Variants in ZNF786 observed in about 807,000 individuals in gnomAD.
ZNF786 encodes the protein zinc finger protein 786.
In ZNF786, 56 loss-of-function variants were observed where a neutral mutation model predicts 63.1. That is an observed-to-expected ratio of 0.89 (90% CI 0.72 to 1.11). ZNF786 has a LOEUF of 1.11. ZNF786 is among the 50% of genes least tolerant of loss of function. The pLI is 0.00. For missense variants in ZNF786, 1,213 were observed against 1,041.8 expected (o/e 1.16, Z -2.26); for synonymous variants, 485 against 406.9 (o/e 1.19, Z -2.31).
Position 149,071,655 on chromosome 7 carries a change from C to A in ZNF786, c.1117G>T (p.Glu373Ter). Residue 373 changes from glutamate to a stop codon, truncating the protein, a stop_gained, in exon 4 of 4, where the codon GAG (glutamate) becomes TAG (stop). Coordinates refer to ENST00000491431, the MANE Select transcript of ZNF786 (RefSeq NM_152411.4). LOFTEE classifies it high-confidence loss of function. ...HGAEGPCSCS[E>*]CGERSPMSAR... is the part of the protein sequence containing the mutation. ...CTCATAGGGGAGCGCTCGCCACACTCCGAGCAGGAGCAGGGCCCCTCTGCG... is the reference window on the plus strand; with the variant it reads ...CTCATAGGGGAGCGCTCGCCACACTACGAGCAGGAGCAGGGCCCCTCTGCG... 3.2e-6 allele frequency: 5 copies of A among 1,570,296 alleles called. No homozygotes were observed. The highest frequency in any genetic ancestry group is 4.7e-5 in the East Asian group (2 of 42,812).
In ZNF786 at chr7:149,071,976, C is replaced by A. The variant is rs201404118; in HGVS notation, c.796G>T (p.Gly266Cys). 3.5e-5 allele frequency: 57 copies of A among 1,612,536 alleles called. No individual in the cohort carries two copies. The African/African-American group carries it at 5.5e-4, about 15-fold the overall frequency. ...TCACCGTCAGCGTTCCGGAAGGGGC[C>A]CCTCCCCGTGTGGGCCGCCAGATGG... ...LRHLAAHTGR[G>C]PFRNADGEMC... is the part of the protein sequence containing the mutation. The change falls in exon 4 of 4, where the codon GGC becomes TGC. Residue 266 changes from glycine (G) to cysteine (C), a missense_variant. Transcript: ENST00000491431.
chr7:149,086,657 C>CAA (rs1554453734), intron 1 of ZNF786, among the ~76,000 whole-genome samples: 3 of 151,110 alleles, frequency 2.0e-5, no homozygotes, highest in Non-Finnish European at 4.4e-5. Flanking sequence ...CACATACACA[C>CAA]AAAAGGTGAG....
chr7:149,084,730 A>G (rs976766089), intron 1 of ZNF786, among the ~76,000 whole-genome samples: 2 of 152,154 alleles, frequency 1.3e-5, no homozygotes, highest in African/African-American at 4.8e-5. Flanking sequence ...CAAATATCCC[A>G]TTCTGTAGGG....
At chr7:149,075,977 T>A (rs1038943848) in intron 2 of ZNF786, among the ~76,000 whole-genome samples, 2 of 151,980 alleles carry the variant, frequency 1.3e-5, no homozygotes, top group African/African-American at 4.8e-5. Flanking sequence ...TCAGGTTTTT[T>A]GAAGATATGA....
At chr7:149,084,222 C>T (rs571686361) in intron 1 of ZNF786, among the ~76,000 whole-genome samples, 2 of 151,838 alleles carry the variant, frequency 1.3e-5, no homozygotes, top group East Asian at 1.9e-4. Context: ...ATTAGCTGGG[C>T]GTGGTGGCAC....
chr7:149,073,939 T>C (rs1825494394), intron 3 of ZNF786, among the ~76,000 whole-genome samples: 1 of 150,884 alleles, frequency 6.6e-6, no homozygotes, highest in Non-Finnish European at 1.5e-5. Flanking sequence ...TACAGGCACC[T>C]GCCACCATGC....
At chr7:149,086,624 T>TCACA (rs1491556182) in intron 1 of ZNF786, among the ~76,000 whole-genome samples, 8 of 87,594 alleles carry the variant, frequency 9.1e-5, no homozygotes, top group Admixed American at 4.0e-4. Context: ...CGACACTCTG[T>TCACA]CTCACACACA....
intron 1 of ZNF786, among the ~76,000 whole-genome samples, chr7:149,085,977 G>A (rs751417426): frequency 7.9e-5 from 12 of 152,266 alleles, no homozygotes; most frequent in Non-Finnish European, 1.2e-4. Context: ...ATCAAGGAGC[G>A]TTTGGGCACC....
At chr7:149,089,916 T>C (rs996047111) in intron 1 of ZNF786, among the ~76,000 whole-genome samples, 2 of 151,778 alleles carry the variant, frequency 1.3e-5, no homozygotes, top group African/African-American at 4.8e-5. Context: ...GGTTTCACCA[T>C]GTTGGCCAGG....
intron 2 of ZNF786, 72 bp from the exon 3 acceptor site, chr7:149,074,610 A>G: frequency 1.3e-6 from 2 of 1,504,316 alleles, no homozygotes; most frequent in Non-Finnish European, 1.8e-6. Context: ...AAATTTCTCA[A>G]CATTCACTCC....
intron 3 of ZNF786, among the ~76,000 whole-genome samples, chr7:149,073,724 C>CGT (rs375323153): frequency 0.048 from 3,275 of 67,806 alleles, 148 homozygotes; most frequent in Admixed American, 0.086. Context: ...TATATGTGTG[C>CGT]GTGTGTGTGT....
At position 149,071,835 on chromosome 7, in the gene ZNF786, C is replaced by G; in HGVS notation, c.937G>C (p.Ala313Pro). The change falls in exon 4 of 4, where the codon GCT (alanine) becomes CCT (proline). Residue 313 changes from alanine to proline, a missense_variant. Physicochemically the swap from Ala to Pro is conservative, Grantham distance 27 (BLOSUM62 -1). Coordinates refer to ENST00000491431, the MANE Select transcript of ZNF786 (RefSeq NM_152411.4). ...KRSLPVDSTQARRCQHSREGP... is the reference protein window; with the variant it reads ...KRSLPVDSTQPRRCQHSREGP... ...TCCCGGCTGTGCTGGCACCGGCGAGCCTGCGTGCTGTCCACTGGGAGGGAG... is the reference window on the plus strand; with the variant it reads ...TCCCGGCTGTGCTGGCACCGGCGAGGCTGCGTGCTGTCCACTGGGAGGGAG... 6.3e-7 allele frequency: 1 copy of G among 1,593,730 alleles called. No homozygotes were observed. The highest frequency in any genetic ancestry group is 8.5e-7 in the Non-Finnish European group (1 of 1,174,696).
rs779927007 is a variant in ZNF786 at position 149,070,923 on chromosome 7, C to T, written c.1849G>A (p.Gly617Arg). The T allele has an allele frequency of 1.2e-6, 2 of 1,613,738 alleles. No individual in the cohort carries two copies. Among genetic ancestry groups the T allele is most frequent in the Admixed American group, 3.3e-5 (2 of 60,016 alleles). The change falls in exon 4 of 4, where the codon GGA becomes AGA. Residue 617 changes from glycine to arginine, a missense_variant. Gly to Arg is a moderately radical substitution (Grantham distance 125). Transcript: ENST00000491431. ...QLLSHQRLHT[G>R]ERPFQCPECD... ...TCCGGACACTGGAAGGGCCTCTCTC[C>T]CGTGTGCAGGCGCTGATGGCTGAGC...
At chr7:149,090,157 C>A (rs938810723) in intron 1 of ZNF786, among the ~76,000 whole-genome samples, 1 of 152,208 alleles carries the variant, frequency 6.6e-6, no homozygotes, top group African/African-American at 2.4e-5. Flanking sequence ...TTACACTCAA[C>A]CCAAATCACG....
At position 149,071,564 on chromosome 7, in the gene ZNF786, G is replaced by C. The variant is rs1268162398; in HGVS notation, c.1208C>G (p.Thr403Ser). 1 of 1,612,454 alleles carries C rather than the reference G, an allele frequency of 6.2e-7. No homozygotes were observed. The highest frequency in any genetic ancestry group is 1.1e-5 in the South Asian group (1 of 91,016). The part of the protein sequence containing the change: ...GEKPFQCAHC[T>S]KRFRLRRLLQ... ...CAGGCGGCGCAGGCGGAAGCGCTTG[G>C]TGCAATGCGCACACTGGAAGGGCTT... The change falls in exon 4 of 4, where the codon ACC becomes AGC. Residue 403 changes from threonine (T) to serine (S), a missense_variant. Thr to Ser is a moderately conservative substitution (Grantham distance 58). Coordinates refer to ENST00000491431, the MANE Select transcript of ZNF786 (RefSeq NM_152411.4).
chr7:149,076,271 T>C (rs933211456), intron 2 of ZNF786, among the ~76,000 whole-genome samples: 1 of 151,534 alleles, frequency 6.6e-6, no homozygotes, highest in Admixed American at 6.6e-5. Context: ...TGCGCCACCA[T>C]ACCTGGCTAA....
chr7:149,081,992 C>T (rs1226357345), intron 1 of ZNF786, among the ~76,000 whole-genome samples: 1 of 152,156 alleles, frequency 6.6e-6, no homozygotes, highest in African/African-American at 2.4e-5. Flanking sequence ...GAACTCAGTA[C>T]CTTTTACAAT....
chr7:149,078,625 G>A (rs534638164), intron 2 of ZNF786, among the ~76,000 whole-genome samples: 3 of 152,060 alleles, frequency 2.0e-5, no homozygotes, highest in Non-Finnish European at 4.4e-5. Context: ...CGGAGGCTGC[G>A]GTGAGCCGAC....
intron 1 of ZNF786, among the ~76,000 whole-genome samples, chr7:149,089,914 C>T (rs567581213): frequency 1.3e-5 from 2 of 151,884 alleles, no homozygotes; most frequent in East Asian, 1.9e-4. Context: ...GGGGTTTCAC[C>T]ATGTTGGCCA....
Sources: gnomAD v4.1 joint callset for allele counts (sites outside exome capture counted in the v4.1 genomes callset) on GRCh38, gnomAD v4.1.1 for gene constraint, MANE v1.5 for transcripts, NCBI Gene and HGNC (gene_info 2026-07-23, HGNC 2026-07-21) for gene names.